Variants in ANKRD30BL observed in about 807,000 individuals in gnomAD.
ANKRD30BL encodes the protein ankyrin repeat domain 30B like.
ANKRD30BL carries 20 observed loss-of-function variants against 18.4 expected under a neutral mutation model. That is an observed-to-expected ratio of 1.09 (90% CI 0.77 to 1.58). ANKRD30BL has a LOEUF of 1.58. ANKRD30BL is among the 40% of genes most tolerant of loss of function. The pLI, the probability that ANKRD30BL is intolerant of heterozygous loss-of-function variation, is 0.00. For synonymous variants in ANKRD30BL, 72 were observed against 100.9 expected (o/e 0.71, Z 1.72); for missense variants, 224 against 268.6 (o/e 0.83, Z 1.16).
chr2:132,221,493 G>A (rs1225272426), intron 1 of ANKRD30BL, among the ~76,000 whole-genome samples: 4 of 131,774 alleles, frequency 3.0e-5, no homozygotes, highest in Admixed American at 7.0e-5. Context: ...CGCCCCTACT[G>A]GGAAGTGAGG....
chr2:132,225,106 G>A (rs928377114), intron 1 of ANKRD30BL, among the ~76,000 whole-genome samples: 5 of 151,968 alleles, frequency 3.3e-5, no homozygotes, highest in Non-Finnish European at 5.9e-5. Context: ...ATCTGCAAGT[G>A]GATATTTGGA....
At chr2:132,237,539 A>G (rs75093610) in intron 1 of ANKRD30BL, among the ~76,000 whole-genome samples, 1 of 151,502 alleles carries the variant, frequency 6.6e-6, no homozygotes, top group Non-Finnish European at 1.5e-5. Flanking sequence ...GATAGAGCAG[A>G]TTGGAAACAC....
intron 1 of ANKRD30BL, among the ~76,000 whole-genome samples, chr2:132,256,198 T>G (rs62165005): frequency 0.063 from 9,653 of 152,092 alleles, 375 homozygotes; most frequent in South Asian, 0.12. Flanking sequence ...ACCAGGTAGG[T>G]AGAAAGCGGC....
intron 1 of ANKRD30BL, among the ~76,000 whole-genome samples, chr2:132,207,464 A>T (rs1470822435): frequency 2.0e-5 from 3 of 152,100 alleles, no homozygotes; most frequent in Admixed American, 2.0e-4. Flanking sequence ...GGCCAACAAT[A>T]TCAGGTTCTT....
chr2:132,242,285 G>C (rs1316783918), intron 1 of ANKRD30BL, among the ~76,000 whole-genome samples: 4 of 151,364 alleles, frequency 2.6e-5, no homozygotes, highest in Non-Finnish European at 5.9e-5. Context: ...CCCTTTCATG[G>C]AGAAGTTTTC....
intron 1 of ANKRD30BL, among the ~76,000 whole-genome samples, chr2:132,225,031 G>A (rs1679803608): frequency 1.3e-5 from 2 of 151,920 alleles, no homozygotes; most frequent in African/African-American, 2.4e-5. Flanking sequence ...TGTGCTGTTT[G>A]CATTCAACTC....
intron 1 of ANKRD30BL, among the ~76,000 whole-genome samples, chr2:132,241,279 CTT>C (rs1680312090): frequency 1.3e-5 from 2 of 151,890 alleles, no homozygotes; most frequent in African/African-American, 2.4e-5. Flanking sequence ...TTGAGACACT[CTT>C]TTTGTACAAT....
chr2:132,246,980 CACATAAAAATTAG>C (rs1425888210), intron 1 of ANKRD30BL, among the ~76,000 whole-genome samples: 1 of 139,998 alleles, frequency 7.1e-6, no homozygotes, highest in Non-Finnish European at 1.6e-5. Context: ...GGAACATCTT[CACATAAAAATTAG>C]ACAGAAGCAT....
At chr2:132,228,668 C>G (rs58524728) in intron 1 of ANKRD30BL, among the ~76,000 whole-genome samples, 1 of 148,432 alleles carries the variant, frequency 6.7e-6, no homozygotes, top group South Asian at 2.1e-4. Flanking sequence ...TCTCACAGAG[C>G]TGAACCTTTC....
intron 1 of ANKRD30BL, among the ~76,000 whole-genome samples, chr2:132,216,439 G>A (rs369538395): frequency 4.0e-5 from 6 of 149,892 alleles, no homozygotes; most frequent in African/African-American, 4.9e-5. Context: ...CTTACTTTTG[G>A]TTGAGCAGTT....
intron 1 of ANKRD30BL, among the ~76,000 whole-genome samples, chr2:132,210,859 C>A (rs1305222393): frequency 8.1e-6 from 1 of 122,928 alleles, no homozygotes; most frequent in Admixed American, 8.2e-5. Flanking sequence ...CCCTTTGGGG[C>A]CTATGGTGGA....
At chr2:132,192,871 TCTAC>T (rs1558926382) in intron 1 of ANKRD30BL, among the ~76,000 whole-genome samples, 6 of 152,222 alleles carry the variant, frequency 3.9e-5, no homozygotes, top group Non-Finnish European at 7.3e-5. Context: ...GCCCTGGCCA[TCTAC>T]TTTACATAGA....
intron 1 of ANKRD30BL, among the ~76,000 whole-genome samples, chr2:132,202,155 G>T (rs1304266644): frequency 6.9e-6 from 1 of 145,300 alleles, no homozygotes; most frequent in Non-Finnish European, 1.5e-5. Flanking sequence ...GGTGGAGGCA[G>T]GGGGGAGGGA....
intron 1 of ANKRD30BL, among the ~76,000 whole-genome samples, chr2:132,172,289 G>T (rs1424266659): frequency 2.0e-5 from 3 of 152,084 alleles, no homozygotes; most frequent in Non-Finnish European, 4.4e-5. Context: ...CTTTTGAGGA[G>T]CCACCTAACT....
chr2:132,221,318 G>A (rs1467196330), intron 1 of ANKRD30BL, among the ~76,000 whole-genome samples: 1 of 148,546 alleles, frequency 6.7e-6, no homozygotes, highest in Non-Finnish European at 1.5e-5. Flanking sequence ...CAGGAGGGAG[G>A]TGGGGGGGTC....
intron 1 of ANKRD30BL, among the ~76,000 whole-genome samples, chr2:132,247,531 T>C (rs1180273809): frequency 6.6e-6 from 1 of 151,852 alleles, no homozygotes; most frequent in Non-Finnish European, 1.5e-5. Flanking sequence ...ATCCGTGTGA[T>C]GAATGCACAC....
At chr2:132,203,212 C>T (rs1013757825) in intron 1 of ANKRD30BL, among the ~76,000 whole-genome samples, 1 of 148,312 alleles carries the variant, frequency 6.7e-6, no homozygotes, top group African/African-American at 2.6e-5. Flanking sequence ...CCCACAAACA[C>T]ACAAGTTCAA....
At chr2:132,235,412 A>T (rs942440434) in intron 1 of ANKRD30BL, among the ~76,000 whole-genome samples, 2 of 152,182 alleles carry the variant, frequency 1.3e-5, no homozygotes, top group African/African-American at 4.8e-5. Context: ...CTGTTTGCAG[A>T]TGACATGATT....
chr2:132,148,488 G>A (rs183645237), intron 5 of ANKRD30BL, among the ~76,000 whole-genome samples: 2,448 of 145,918 alleles, frequency 0.017, 28 homozygotes, highest in Middle Eastern at 0.04. Flanking sequence ...TCCTACCTCA[G>A]CCTCCCATGT....
Sources: allele counts gnomAD v4.1 joint callset (sites outside exome capture counted in the v4.1 genomes callset), GRCh38; gene constraint gnomAD v4.1.1; transcripts MANE v1.5; gene names NCBI Gene and HGNC (gene_info 2026-07-23, HGNC 2026-07-21).